DTNA: variants seen among roughly 807,000 people sequenced by gnomAD.
DTNA encodes dystrophin-related protein 3.
In DTNA, 43 loss-of-function variants were observed where a neutral mutation model predicts 100.7. That is an observed-to-expected ratio of 0.43 (90% CI 0.33 to 0.55). DTNA has a LOEUF of 0.55. Ranked by LOEUF, DTNA falls within the 20% of genes least tolerant of loss-of-function variation. The pLI is 0.04. For missense variants in DTNA, 798 were observed against 953.9 expected (o/e 0.84, Z 2.15); for synonymous variants, 349 against 347.9 (o/e 1.00, Z -0.04).
chr18:34,802,202 CTA>C (rs1427685705), intron 4 of DTNA, among the ~76,000 whole-genome samples: 3 of 152,252 alleles, frequency 2.0e-5, no homozygotes, highest in Non-Finnish European at 4.4e-5. Context: ...TAGGGAAAAT[CTA>C]TGTTTTTCAA....
chr18:34,500,839 A>G (rs1311316408), intron 1 of DTNA, among the ~76,000 whole-genome samples: 10 of 152,184 alleles, frequency 6.6e-5, no homozygotes, highest in Admixed American at 5.9e-4. Context: ...ATATGTATTC[A>G]ATGTGACATG....
At chr18:34,639,446 A>C (rs1346821405) in intron 1 of DTNA, among the ~76,000 whole-genome samples, 3 of 152,208 alleles carry the variant, frequency 2.0e-5, no homozygotes, top group African/African-American at 7.2e-5. Context: ...GAATGGACTG[A>C]AAAAAGAAGA....
chr18:34,759,114 A>G (rs973910418), intron 2 of DTNA, among the ~76,000 whole-genome samples: 74 of 152,342 alleles, frequency 4.9e-4, no homozygotes, highest in African/African-American at 1.7e-3. Context: ...TCTCTTCACA[A>G]TAATGCCTTA....
chr18:34,852,040 A>T, intron 15 of DTNA, 112 bp downstream of exon 15: 1 of 1,041,214 alleles, frequency 9.6e-7, no homozygotes, highest in Non-Finnish European at 1.5e-6. Context: ...TACTCAAGGG[A>T]AGACATCTAC....
In DTNA at chr18:34,673,523, GA is replaced by G. The variant is rs5823950; in HGVS notation, c.-1-82439del. Among the ~76,000 whole-genome samples, 422 of 137,962 alleles carry G rather than the reference GA, an allele frequency of 3.1e-3. 2 individuals are homozygous for G. The highest frequency in any genetic ancestry group is 7.2e-3 in the African/African-American group (279 of 38,524). The allele number at this position is 137,962 out of a possible 152,430, so 90.5% of individuals were successfully genotyped here. A position where few individuals can be genotyped will look rare whatever the true frequency, so the allele number is the denominator to read the frequency against. Reference sequence around the variant, plus strand: ...AAAGATACGCAGAGCCAGTCCTTCAGAAAAAAAAAAAAAATGCTGTGCAAGA... The same window carrying G: ...AAAGATACGCAGAGCCAGTCCTTCAGAAAAAAAAAAAAATGCTGTGCAAGA... On this transcript the variant is annotated intron_variant, in intron 1 of 19. Transcript: ENST00000283365.
intron 1 of DTNA, among the ~76,000 whole-genome samples, chr18:34,666,577 T>C (rs1430550387): frequency 6.6e-6 from 1 of 152,120 alleles, no homozygotes; most frequent in Non-Finnish European, 1.5e-5. Flanking sequence ...AGTCTTTAAT[T>C]CATCTTGAAT....
At chr18:34,537,859 AAT>A (rs1275397097) in intron 1 of DTNA, among the ~76,000 whole-genome samples, 2 of 152,022 alleles carry the variant, frequency 1.3e-5, no homozygotes, top group Non-Finnish European at 2.9e-5. Flanking sequence ...CACTTGAAAA[AAT>A]ATGTTATAAA....
Position 34,890,543 on chromosome 18 carries a change from A to C in DTNA, c.*2809A>C. ...CACAATGAATTGCACATCCATCTCC[A>C]TCAGAGCTGATAGCCTGTTAATAAG... is the stretch of plus-strand genomic sequence containing the variant. On this transcript the variant is annotated 3_prime_UTR_variant, in exon 23 of 23. Transcript: ENST00000444659. 6.7e-7 allele frequency: 1 copy of C among 1,487,736 alleles called. No individual in the cohort carries two copies. Among genetic ancestry groups the C allele is most frequent in the Non-Finnish European group, 9.0e-7 (1 of 1,111,746 alleles). The allele number at this position is 1,487,736 out of a possible 1,614,324, so 92.2% of individuals were successfully genotyped here.
intron 1 of DTNA, among the ~76,000 whole-genome samples, chr18:34,527,760 G>A (rs2042765429): frequency 6.6e-6 from 1 of 152,108 alleles, no homozygotes; most frequent in South Asian, 2.1e-4. Context: ...CCAATTTTCA[G>A]TTATTAAACT....
In DTNA at chr18:34,889,318, A is replaced by G; in HGVS notation, c.*1584A>G. The G allele has an allele frequency of 1.0e-6, 1 of 980,916 alleles. No homozygotes were observed. Among genetic ancestry groups the G allele is most frequent in the Non-Finnish European group, 1.2e-6 (1 of 825,886 alleles). 60.8% of individuals were successfully genotyped at this position (980,916 alleles called of 1,614,324 possible). On this transcript the variant is annotated 3_prime_UTR_variant, in exon 23 of 23. Coordinates refer to ENST00000444659, the MANE Select transcript of DTNA (RefSeq NM_001386795.1). The stretch of plus-strand genomic sequence containing the variant: ...TTCGAAATACTAATTTGTAAGCCCC[A>G]CCTCAGGCCTACTGAATCAGAAGCT...
intron 1 of DTNA, among the ~76,000 whole-genome samples, chr18:34,567,779 A>G (rs1428934971): frequency 6.6e-6 from 1 of 152,168 alleles, no homozygotes; most frequent in Non-Finnish European, 1.5e-5. Flanking sequence ...AATAGTGTAT[A>G]TTTTCTACTC....
chr18:34,579,786 T>C (rs2048443870), intron 1 of DTNA, among the ~76,000 whole-genome samples: 1 of 152,190 alleles, frequency 6.6e-6, no homozygotes, highest in Non-Finnish European at 1.5e-5. Context: ...TTTGTTTGTT[T>C]AGTTGTTTGT....
chr18:34,786,827 A>G (rs1323765051), intron 3 of DTNA, among the ~76,000 whole-genome samples: 5 of 152,224 alleles, frequency 3.3e-5, no homozygotes, highest in Non-Finnish European at 5.9e-5. Flanking sequence ...ATATATCCTT[A>G]TACAAATCAC....
intron 3 of DTNA, among the ~76,000 whole-genome samples, chr18:34,781,555 G>T (rs552071131): frequency 7.9e-5 from 12 of 151,700 alleles, no homozygotes; most frequent in East Asian, 3.9e-4. Flanking sequence ...TTGATTTATG[G>T]ATGACCTCAC....
At chr18:34,537,809 G>T (rs1382269060) in intron 1 of DTNA, among the ~76,000 whole-genome samples, 2 of 151,876 alleles carry the variant, frequency 1.3e-5, no homozygotes, top group Non-Finnish European at 2.9e-5. Flanking sequence ...TTATAGGAAG[G>T]AGGAGACAGA....
intron 1 of DTNA, among the ~76,000 whole-genome samples, chr18:34,564,163 G>GT (rs1419812212): frequency 6.6e-6 from 1 of 150,814 alleles, no homozygotes; most frequent in Admixed American, 6.6e-5. Context: ...TTTTTTTTGA[G>GT]ATGGAGTCTC....
At chr18:34,860,093 C>T (rs1444104941) in intron 16 of DTNA, among the ~76,000 whole-genome samples, 2 of 152,128 alleles carry the variant, frequency 1.3e-5, no homozygotes, top group Non-Finnish European at 2.9e-5. Context: ...GTCACCCAGG[C>T]TGGAGTGCAG....
intron 1 of DTNA, among the ~76,000 whole-genome samples, chr18:34,686,564 A>C (rs897963937): frequency 2.0e-5 from 3 of 152,164 alleles, no homozygotes; most frequent in African/African-American, 4.8e-5. Flanking sequence ...AGATTTTTGC[A>C]TCAATGTTCA....
At chr18:34,560,133 C>A (rs978047634) in intron 1 of DTNA, among the ~76,000 whole-genome samples, 1 of 152,108 alleles carries the variant, frequency 6.6e-6, no homozygotes, top group Non-Finnish European at 1.5e-5. Flanking sequence ...GTGATCTCAC[C>A]CTGTAAACTT....
Sources: gnomAD v4.1 joint callset for allele counts (sites outside exome capture counted in the v4.1 genomes callset) on GRCh38, gnomAD v4.1.1 for gene constraint, MANE v1.5 for transcripts, NCBI Gene and HGNC (gene_info 2026-07-23, HGNC 2026-07-21) for gene names.